Variants in NAALADL2 observed in about 807,000 individuals in gnomAD.
The protein encoded by NAALADL2 is N-acetylated alpha-linked acidic dipeptidase like 2.
Under a neutral mutation model 87.2 loss-of-function variants are expected in NAALADL2, and 76 were observed. That is an observed-to-expected ratio of 0.87 (90% CI 0.72 to 1.05). The LOEUF (loss-of-function observed/expected upper bound fraction) is 1.05. Ranked by LOEUF, NAALADL2 falls within the 50% of genes least tolerant of loss-of-function variation. The pLI, the probability that NAALADL2 is intolerant of heterozygous loss-of-function variation, is 0.00. For missense variants in NAALADL2, 1,089 were observed against 945.8 expected (o/e 1.15, Z -1.99); for synonymous variants, 354 against 331.0 (o/e 1.07, Z -0.75).
At chr3:174,479,159 G>A (rs1030578920) in intron 1 of NAALADL2, among the ~76,000 whole-genome samples, 1 of 152,110 alleles carries the variant, frequency 6.6e-6, no homozygotes, top group Non-Finnish European at 1.5e-5. Flanking sequence ...GTCATATTTT[G>A]AATGCTCATA....
chr3:175,070,429 A>G (rs1360319437), intron 1 of NAALADL2, among the ~76,000 whole-genome samples: 2 of 152,054 alleles, frequency 1.3e-5, no homozygotes, highest in Non-Finnish European at 2.9e-5. Flanking sequence ...ACTTAATTGT[A>G]TAACTGCTGG....
chr3:175,143,981 A>G (rs7617883), intron 2 of NAALADL2, among the ~76,000 whole-genome samples: 10,399 of 151,340 alleles, frequency 0.069, 903 homozygotes, highest in African/African-American at 0.2. Context: ...ATTGAATGAA[A>G]GGAAGTTATT....
At chr3:174,802,044 AT>A (rs1718902632) in intron 3 of NAALADL2, among the ~76,000 whole-genome samples, 1 of 152,104 alleles carries the variant, frequency 6.6e-6, no homozygotes, top group Admixed American at 6.6e-5. Flanking sequence ...ATTTTCAAAG[AT>A]AGATGAGATG....
chr3:175,778,801 G>C (rs1304688833), intron 13 of NAALADL2, among the ~76,000 whole-genome samples: 2 of 152,134 alleles, frequency 1.3e-5, no homozygotes, highest in African/African-American at 2.4e-5. Flanking sequence ...TGATGGGCCA[G>C]GAAGCTTGTC....
At chr3:175,605,266 G>A (rs1274288200) in intron 10 of NAALADL2, among the ~76,000 whole-genome samples, 1 of 152,020 alleles carries the variant, frequency 6.6e-6, no homozygotes, top group South Asian at 2.1e-4. Context: ...AGTCATTTGT[G>A]CACCTTGAAA....
chr3:174,824,376 C>A (rs1721757739), intron 3 of NAALADL2, among the ~76,000 whole-genome samples: 1 of 152,114 alleles, frequency 6.6e-6, no homozygotes. Context: ...TTTTCTTTCC[C>A]AATATTTCTG....
intron 2 of NAALADL2, among the ~76,000 whole-genome samples, chr3:175,120,142 G>A (rs1725941034): frequency 6.6e-6 from 1 of 151,420 alleles, no homozygotes; most frequent in Non-Finnish European, 1.5e-5. Context: ...ACTTTTTCCT[G>A]ACTGTACTTT....
chr3:174,835,159 T>A (rs1723182468), intron 3 of NAALADL2, among the ~76,000 whole-genome samples: 1 of 152,066 alleles, frequency 6.6e-6, no homozygotes, highest in African/African-American at 2.4e-5. Context: ...GAATTGTTTT[T>A]GTCAAGACTT....
chr3:174,525,510 G>T (rs1720664549), intron 1 of NAALADL2, among the ~76,000 whole-genome samples: 1 of 152,108 alleles, frequency 6.6e-6, no homozygotes, highest in Non-Finnish European at 1.5e-5. Context: ...CAAGGGGATG[G>T]TGTGAAACCA....
intron 1 of NAALADL2, among the ~76,000 whole-genome samples, chr3:174,929,031 G>C (rs34998015): frequency 0.049 from 7,456 of 152,222 alleles, 251 homozygotes; most frequent in Admixed American, 0.11. Context: ...TTTATAAGCT[G>C]TTATATGGGA....
intron 2 of NAALADL2, among the ~76,000 whole-genome samples, chr3:175,138,889 T>A (rs1364671563): frequency 2.1e-5 from 1 of 48,738 alleles, no homozygotes; most frequent in East Asian, 6.6e-4. Context: ...CCTTTTAAAA[T>A]ATATATATAT....
At chr3:174,686,686 T>C (rs1243985085) in intron 2 of NAALADL2, among the ~76,000 whole-genome samples, 1 of 151,954 alleles carries the variant, frequency 6.6e-6, no homozygotes, top group Non-Finnish European at 1.5e-5. Context: ...AAACAAGCAA[T>C]GGGGAAAGAA....
chr3:175,058,900 T>G (rs1265758965), intron 1 of NAALADL2, among the ~76,000 whole-genome samples: 1 of 152,168 alleles, frequency 6.6e-6, no homozygotes, highest in African/African-American at 2.4e-5. Flanking sequence ...AGTGAATAGA[T>G]TAGATGGCTC....
chr3:175,012,613 T>G (rs1371967081), intron 1 of NAALADL2, among the ~76,000 whole-genome samples: 4 of 152,142 alleles, frequency 2.6e-5, no homozygotes, highest in Admixed American at 2.6e-4. Flanking sequence ...GTTGAAAAAT[T>G]ACAGCCCTCA....
chr3:175,342,346 T>C (rs1017912805), intron 5 of NAALADL2, among the ~76,000 whole-genome samples: 1 of 152,014 alleles, frequency 6.6e-6, no homozygotes, highest in South Asian at 2.1e-4. Flanking sequence ...GGGAGTTATG[T>C]GAGATAAGGA....
chr3:174,834,217 T>G (rs2109386692), intron 3 of NAALADL2, among the ~76,000 whole-genome samples: 1 of 148,756 alleles, frequency 6.7e-6, no homozygotes, highest in East Asian at 2.0e-4. Flanking sequence ...TATATAATTA[T>G]CTAAACAGAA....
chr3:175,764,481 A>G (rs1357664562), intron 13 of NAALADL2, among the ~76,000 whole-genome samples: 1 of 152,058 alleles, frequency 6.6e-6, no homozygotes, highest in Non-Finnish European at 1.5e-5. Context: ...TATTTCAGAG[A>G]TTGCCAGAAT....
At chr3:175,703,422 C>T (rs750794810) in intron 11 of NAALADL2, among the ~76,000 whole-genome samples, 11 of 152,116 alleles carry the variant, frequency 7.2e-5, no homozygotes, top group Admixed American at 2.0e-4. Context: ...TTAATGTTTT[C>T]GTTAAGTACC....
chr3:175,336,509 A>G (rs1761983387), intron 5 of NAALADL2, among the ~76,000 whole-genome samples: 1 of 152,176 alleles, frequency 6.6e-6, no homozygotes, highest in African/African-American at 2.4e-5. Flanking sequence ...CAGATTTTGT[A>G]GCTTAAGATG....
Sources: gnomAD v4.1 joint callset for allele counts (sites outside exome capture counted in the v4.1 genomes callset) on GRCh38, gnomAD v4.1.1 for gene constraint, MANE v1.5 for transcripts, NCBI Gene and HGNC (gene_info 2026-07-23, HGNC 2026-07-21) for gene names.